Variants in RASSF6 observed in about 807,000 individuals in gnomAD.
RASSF6 encodes ras association domain-containing protein 6.
RASSF6 carries 52 observed loss-of-function variants against 44.0 expected under a neutral mutation model. The ratio of observed to expected loss-of-function variants is 1.18; its 90% CI spans 0.95 to 1.49. RASSF6 has a LOEUF of 1.49. RASSF6 is among the 40% of genes most tolerant of loss of function. RASSF6 has a pLI of 0.00. For missense variants in RASSF6, 464 were observed against 393.3 expected (o/e 1.18, Z -1.52); for synonymous variants, 162 against 124.6 (o/e 1.30, Z -2.00).
chr4:73,614,156 T>G (rs1469909025), intron 1 of RASSF6, among the ~76,000 whole-genome samples: 1 of 152,222 alleles, frequency 6.6e-6, no homozygotes. Flanking sequence ...GTAAGTCCTA[T>G]TCACTGTACC....
At chr4:73,591,332 T>C (rs1472553422) in intron 4 of RASSF6, among the ~76,000 whole-genome samples, 2 of 152,040 alleles carry the variant, frequency 1.3e-5, no homozygotes, top group Non-Finnish European at 2.9e-5. Context: ...ATAATGATGG[T>C]TTAAGGTGAT....
At chr4:73,620,472 G>C, upstream of RASSF6, 1 of 1,547,168 alleles carries the variant, frequency 6.5e-7, no homozygotes, top group African/African-American at 1.4e-5. Flanking sequence ...CGCGGGCGCA[G>C]GGGCGGCGCC....
At chr4:73,593,283 C>G (rs1273575329) in intron 4 of RASSF6, among the ~76,000 whole-genome samples, 168 bp downstream of exon 4, 2 of 151,930 alleles carry the variant, frequency 1.3e-5, no homozygotes, top group African/African-American at 4.8e-5. Flanking sequence ...CCCGAAGTGC[C>G]GGGATTACAG....
At chr4:73,607,041 T>A (rs1341816654) in intron 2 of RASSF6, among the ~76,000 whole-genome samples, 2 of 152,176 alleles carry the variant, frequency 1.3e-5, no homozygotes, top group Admixed American at 1.3e-4. Flanking sequence ...TCTTCAGTAA[T>A]GCTGCCATGA....
intron 2 of RASSF6, among the ~76,000 whole-genome samples, chr4:73,605,611 AGG>A (rs1375541300): frequency 2.0e-5 from 3 of 152,354 alleles, no homozygotes; most frequent in African/African-American, 7.2e-5. Context: ...TTGCAAATGA[AGG>A]GACTGAGTTC....
At chr4:73,578,697 C>T (rs1414771748) in intron 8 of RASSF6, among the ~76,000 whole-genome samples, 2 of 151,776 alleles carry the variant, frequency 1.3e-5, no homozygotes, top group Non-Finnish European at 2.9e-5. Flanking sequence ...CAACCTCCGC[C>T]TCCTGAGTTC....
chr4:73,588,506 AT>A (rs1724277215), intron 4 of RASSF6, among the ~76,000 whole-genome samples: 1 of 152,106 alleles, frequency 6.6e-6, no homozygotes, highest in South Asian at 2.1e-4. Flanking sequence ...TTTTAAGTGC[AT>A]TCTAGTGCTC....
At chr4:73,581,925 A>C in intron 7 of RASSF6, 57 bp from the exon 8 acceptor site, 1 of 1,377,972 alleles carries the variant, frequency 7.3e-7, no homozygotes, top group East Asian at 2.3e-5. Context: ...GATGTTTTCT[A>C]ACCTGACCAG....
intron 2 of RASSF6, among the ~76,000 whole-genome samples, chr4:73,608,142 C>T (rs946694899): frequency 6.7e-5 from 10 of 149,094 alleles, no homozygotes; most frequent in African/African-American, 2.0e-4. Context: ...AGAAAATTCA[C>T]GCATCCAGAA....
rs1353443927 is a variant in RASSF6 at position 73,576,531 on chromosome 4, A to T, written c.841-24T>A. On this transcript the variant is annotated intron_variant, in intron 9 of 10. Transcript: ENST00000307439. ...ACCTAAGAAAGAAGAAGAAGAAAAAAAAAAGAAAGCAGAACAATTATGCAA... is the reference window on the plus strand; with the variant it reads ...ACCTAAGAAAGAAGAAGAAGAAAAATAAAAGAAAGCAGAACAATTATGCAA... 3 of 1,555,974 alleles carry T rather than the reference A, an allele frequency of 1.9e-6. No homozygotes were observed. The African/African-American group carries it at 4.2e-5, about 22-fold the overall frequency.
At chr4:73,583,896 G>A (rs1723867117) in intron 6 of RASSF6, among the ~76,000 whole-genome samples, 1 of 152,110 alleles carries the variant, frequency 6.6e-6, no homozygotes, top group Admixed American at 6.6e-5. Context: ...CAGGGCCCAA[G>A]CATTTAACCA....
chr4:73,616,258 T>TATC (rs996734594), intron 1 of RASSF6, among the ~76,000 whole-genome samples: 1 of 152,002 alleles, frequency 6.6e-6, no homozygotes, highest in African/African-American at 2.4e-5. Context: ...TCTATCTATC[T>TATC]ATCTATCTAT....
rs1296905999 is a variant in RASSF6 at position 73,620,315 on chromosome 4, C to T, written c.-62G>A. On this transcript the variant is annotated 5_prime_UTR_variant, in exon 1 of 11. Coordinates refer to ENST00000307439, the MANE Select transcript of RASSF6 (RefSeq NM_177532.5). ...GTTATTCACACTGTGAGCAGGAGGA[C>T]CCTTTTCACCATCGTTGTTCGGCTG... The T allele has an allele frequency of 1.4e-6, 2 of 1,470,554 alleles. No homozygotes were observed. Among genetic ancestry groups the T allele is most frequent in the East Asian group, 5.4e-5 (2 of 37,260 alleles). The allele number at this position is 1,470,554 out of a possible 1,614,324, so 91.1% of individuals were successfully genotyped here.
rs1723372302 is a variant in RASSF6 at position 73,578,220 on chromosome 4, T to C, written c.722-1489A>G. Among the ~76,000 whole-genome samples, 9 of 152,302 alleles carry C rather than the reference T, an allele frequency of 5.9e-5. No homozygotes were observed. The South Asian group carries it at 1.9e-3, about 32-fold the overall frequency. On this transcript the variant is annotated intron_variant, in intron 8 of 10. Coordinates refer to ENST00000307439, the MANE Select transcript of RASSF6 (RefSeq NM_177532.5). ...CAGCACCTTGTGTGGAGCCCAAGAA[T>C]GACTGGAAGGAAACTAAGCCATATT... is the stretch of plus-strand genomic sequence containing the variant.
chr4:73,596,705 C>T (rs1350603581), intron 3 of RASSF6, among the ~76,000 whole-genome samples: 2 of 152,164 alleles, frequency 1.3e-5, no homozygotes, highest in African/African-American at 2.4e-5. Context: ...AGGCATCACA[C>T]TACCTGTCTT....
intron 3 of RASSF6, among the ~76,000 whole-genome samples, chr4:73,595,805 T>C (rs1039130842): frequency 6.6e-6 from 1 of 152,178 alleles, no homozygotes; most frequent in Admixed American, 6.6e-5. Flanking sequence ...AGTATATTAT[T>C]GAATTTGGGA....
chr4:73,620,449 G>A (rs1177648394), upstream of RASSF6: 6 of 1,547,484 alleles, frequency 3.9e-6, no homozygotes, highest in African/African-American at 1.4e-5. Context: ...CTGTAGGGGA[G>A]GTCCGAGGCC....
At chr4:73,599,601 C>T (rs563740080) in intron 2 of RASSF6, among the ~76,000 whole-genome samples, 1 of 152,230 alleles carries the variant, frequency 6.6e-6, no homozygotes, top group East Asian at 1.9e-4. Context: ...TCTTACCATA[C>T]CTCTATTCTA....
At position 73,619,408 on chromosome 4, in the gene RASSF6, G is replaced by A. The variant is rs527458054; in HGVS notation, c.-35+880C>T. Among the ~76,000 whole-genome samples, 454 of 152,182 alleles carry A rather than the reference G, an allele frequency of 3.0e-3. 2 individuals carry two copies. Among genetic ancestry groups the A allele is most frequent in the African/African-American group, 0.011 (439 of 41,520 alleles). On this transcript the variant is annotated intron_variant, in intron 1 of 10. Coordinates refer to ENST00000307439, the MANE Select transcript of RASSF6 (RefSeq NM_177532.5). ...CTTGCCTGTCCTGGATCCAGTCTCC[G>A]GGAACCAGTTCAATTCCAGCATCCT...
Sources: allele counts gnomAD v4.1 joint callset (sites outside exome capture counted in the v4.1 genomes callset), GRCh38; gene constraint gnomAD v4.1.1; transcripts MANE v1.5; gene names NCBI Gene and HGNC (gene_info 2026-07-23, HGNC 2026-07-21).